SIPA1L2: variants seen among roughly 807,000 people sequenced by gnomAD.
SIPA1L2 encodes the protein signal induced proliferation associated 1 like 2, also known as signal-induced proliferation-associated 1-like protein 2.
A neutral mutation model predicts 163.9 loss-of-function variants in SIPA1L2; 56 were observed. The observed-to-expected ratio is 0.34, with a 90% CI of 0.28 to 0.43. SIPA1L2 has a LOEUF of 0.43. Ranked by LOEUF, SIPA1L2 falls within the 20% of genes least tolerant of loss-of-function variation. SIPA1L2 has a pLI of 1.00. For synonymous variants in SIPA1L2, 877 were observed against 865.7 expected (o/e 1.01, Z -0.23); for missense variants, 1,974 against 2,193.5 (o/e 0.90, Z 2.00).
intron 1 of SIPA1L2, among the ~76,000 whole-genome samples, 115 bp downstream of exon 1, chr1:232,629,754 G>GC: frequency 6.6e-6 from 1 of 151,740 alleles, no homozygotes; most frequent in East Asian, 2.0e-4. Flanking sequence ...GCCGCCGTCA[G>GC]CCCCCCAAAG....
At chr1:232,615,347 C>T (rs1200190430) in intron 1 of SIPA1L2, among the ~76,000 whole-genome samples, 3 of 152,192 alleles carry the variant, frequency 2.0e-5, no homozygotes, top group African/African-American at 7.2e-5. Context: ...GCTGAAGGTC[C>T]TTTCAGGCTA....
At chr1:232,438,801 G>A (rs2102854271) in intron 15 of SIPA1L2, among the ~76,000 whole-genome samples, 1 of 152,200 alleles carries the variant, frequency 6.6e-6, no homozygotes, top group South Asian at 2.1e-4. Context: ...AAAACACGTA[G>A]GGACAACAGG....
chr1:232,504,213 T>TAACAAC (rs750582847), intron 3 of SIPA1L2, among the ~76,000 whole-genome samples: 22 of 142,482 alleles, frequency 1.5e-4, no homozygotes, highest in Admixed American at 4.2e-4. Flanking sequence ...AAACAAAAAA[T>TAACAAC]AACAACAACA....
At chr1:232,561,071 T>C (rs181550985) in intron 2 of SIPA1L2, among the ~76,000 whole-genome samples, 1 of 152,334 alleles carries the variant, frequency 6.6e-6, no homozygotes, top group Non-Finnish European at 1.5e-5. Context: ...AGTCATTTGG[T>C]TTAGACATTC....
At chr1:232,624,554 C>T (rs1662979756) in intron 1 of SIPA1L2, among the ~76,000 whole-genome samples, 1 of 152,180 alleles carries the variant, frequency 6.6e-6, no homozygotes, top group African/African-American at 2.4e-5. Flanking sequence ...CCCAGGAGTT[C>T]TTACTTTCCA....
chr1:232,514,624 G>A lies in SIPA1L2; in HGVS notation c.716C>T (p.Ala239Val). The change falls in exon 3 of 23, where the codon GCA becomes GTA. Residue 239 changes from alanine to valine, a missense_variant. Ala to Val is a moderately conservative substitution (Grantham distance 64). Coordinates refer to ENST00000674635, the MANE Select transcript of SIPA1L2 (RefSeq NM_020808.5). ...GFPEFFRCDP[A>V]ISPSLHAAAQ... The stretch of plus-strand genomic sequence containing the variant: ...TGCTGCATGAAGGCTCGGAGAGATT[G>A]CAGGGTCACAGCGGAAAAATTCAGG... The A allele has an allele frequency of 6.2e-7, 1 of 1,614,170 alleles. No homozygotes were observed. Among genetic ancestry groups the A allele is most frequent in the South Asian group, 1.1e-5 (1 of 91,086 alleles).
chr1:232,495,626 A>T (rs921582590), intron 3 of SIPA1L2, among the ~76,000 whole-genome samples: 4 of 151,954 alleles, frequency 2.6e-5, no homozygotes, highest in African/African-American at 9.7e-5. Flanking sequence ...CTAGACTTGC[A>T]CAAAAGGAAA....
rs780265795 is a variant in SIPA1L2 at position 232,514,693 on chromosome 1, C to T, written c.647G>A (p.Arg216Gln). ...TGCTTTGTGGTCATAATTTTCTACT[C>T]GGTACCCTCTGAGCATAGCAAAAAA... ...ENFFAMLRGYRVENYDHKAMV... is the reference protein window; with the variant it reads ...ENFFAMLRGYQVENYDHKAMV... The change falls in exon 3 of 23, where the codon CGA (arginine) becomes CAA (glutamine). Residue 216 changes from arginine (R) to glutamine (Q), a missense_variant. Coordinates refer to ENST00000674635, the MANE Select transcript of SIPA1L2 (RefSeq NM_020808.5). 73 of 1,614,090 alleles carry T rather than the reference C, an allele frequency of 4.5e-5. No individual in the cohort carries two copies. Among genetic ancestry groups the T allele is most frequent in the Non-Finnish European group, 5.8e-5 (68 of 1,180,046 alleles).
chr1:232,402,110 A>T (rs1294099966), intron 22 of SIPA1L2, among the ~76,000 whole-genome samples: 1 of 152,206 alleles, frequency 6.6e-6, no homozygotes, highest in African/African-American at 2.4e-5. Flanking sequence ...GAACTAAAAA[A>T]TGCTGGCCCA....
chr1:232,447,759 C>T (rs1358446629), intron 10 of SIPA1L2, among the ~76,000 whole-genome samples: 1 of 152,216 alleles, frequency 6.6e-6, no homozygotes, highest in African/African-American at 2.4e-5. Context: ...AATTAGCAAA[C>T]TTCTAGGACA....
intron 1 of SIPA1L2, among the ~76,000 whole-genome samples, chr1:232,618,370 T>C (rs988670842): frequency 2.0e-5 from 3 of 152,090 alleles, no homozygotes; most frequent in African/African-American, 7.2e-5. Context: ...TTTAAAACTC[T>C]TGTGGCTGGG....
At position 232,531,905 on chromosome 1, in the gene SIPA1L2, T is replaced by G. The variant is rs548941916; in HGVS notation, c.-269-16297A>C. On this transcript the variant is annotated intron_variant, in intron 2 of 22. Coordinates refer to ENST00000674635, the MANE Select transcript of SIPA1L2 (RefSeq NM_020808.5). Reference sequence around the variant, plus strand: ...AGGGGAAGGAGCTCCAATCAGGGACTGGAATTGAAAGCAAGCCTGGCACAT... The same window carrying G: ...AGGGGAAGGAGCTCCAATCAGGGACGGGAATTGAAAGCAAGCCTGGCACAT... Among the ~76,000 whole-genome samples the G allele has an allele frequency of 2.0e-3, 309 of 152,190 alleles. 2 individuals are homozygous for G. Among genetic ancestry groups the G allele is most frequent in the African/African-American group, 7.1e-3 (296 of 41,516 alleles).
intron 18 of SIPA1L2, among the ~76,000 whole-genome samples, chr1:232,424,524 C>T (rs1388413660): frequency 1.3e-5 from 2 of 151,976 alleles, no homozygotes; most frequent in Admixed American, 6.6e-5. Flanking sequence ...ATTGAAGTTA[C>T]CTTTTACAAA....
At chr1:232,463,514 CACACTGACAAT>C (rs1314569609) in intron 9 of SIPA1L2, among the ~76,000 whole-genome samples, 2 of 152,154 alleles carry the variant, frequency 1.3e-5, no homozygotes, top group African/African-American at 4.8e-5. Flanking sequence ...GCATCTTGGT[CACACTGACAAT>C]ACACTTTTCT....
chr1:232,552,214 C>T (rs1254277395), intron 2 of SIPA1L2, among the ~76,000 whole-genome samples: 1 of 152,106 alleles, frequency 6.6e-6, no homozygotes, highest in African/African-American at 2.4e-5. Flanking sequence ...TCACAAAGAG[C>T]AACCGGTGAT....
chr1:232,471,440 CG>C lies in SIPA1L2; in HGVS notation c.2173del (p.Arg725GlyfsTer10). ...GACAAAGACATGCTGAAAGTGAGAC[CG>C]GATGCTTTTTGGAGTAAAAGGAAGT... ...GALPFTPKSI[R>X]SHFQHVFVIV... On this transcript the variant is annotated frameshift_variant, in exon 8 of 23. Coordinates refer to ENST00000674635, the MANE Select transcript of SIPA1L2 (RefSeq NM_020808.5). LOFTEE classifies it high-confidence loss of function. 1 of 1,614,006 alleles carries C rather than the reference CG, an allele frequency of 6.2e-7. No individual in the cohort carries two copies.
chr1:232,410,066 C>CT (rs1163817559), intron 19 of SIPA1L2, among the ~76,000 whole-genome samples: 8 of 151,974 alleles, frequency 5.3e-5, no homozygotes, highest in Admixed American at 5.2e-4. Flanking sequence ...ACATTTATCC[C>CT]TTTTTTTCTT....
At chr1:232,462,166 A>G in intron 9 of SIPA1L2, 2 of 1,457,586 alleles carry the variant, frequency 1.4e-6, no homozygotes, top group Non-Finnish European at 1.9e-6. Flanking sequence ...TTAAAGCACC[A>G]CTAATGCAGC....
At chr1:232,526,627 C>T (rs931165074) in intron 2 of SIPA1L2, among the ~76,000 whole-genome samples, 3 of 152,188 alleles carry the variant, frequency 2.0e-5, no homozygotes, top group African/African-American at 4.8e-5. Context: ...GGGCCCCTGC[C>T]GTAACCCACT....
Sources: allele counts gnomAD v4.1 joint callset (sites outside exome capture counted in the v4.1 genomes callset), GRCh38; gene constraint gnomAD v4.1.1; transcripts MANE v1.5; gene names NCBI Gene and HGNC (gene_info 2026-07-23, HGNC 2026-07-21).